The following SSPN variants were observed in gnomAD, a reference collection of about 807,000 sequenced individuals.
SSPN encodes K-ras oncogene-associated protein.
A neutral mutation model predicts 19.1 loss-of-function variants in SSPN; 15 were observed. That is an observed-to-expected ratio of 0.78 (90% CI 0.52 to 1.21). The LOEUF (loss-of-function observed/expected upper bound fraction) is 1.21. Ranked by LOEUF, SSPN falls within the 50% of genes most tolerant of loss-of-function variation. SSPN has a pLI of 0.00. For synonymous variants in SSPN, 147 were observed against 140.3 expected (o/e 1.05, Z -0.34); for missense variants, 291 against 314.0 (o/e 0.93, Z 0.55).
intron 1 of SSPN, among the ~76,000 whole-genome samples, chr12:26,164,204 T>C (rs1213353851): frequency 6.6e-6 from 1 of 152,258 alleles, no homozygotes; most frequent in Non-Finnish European, 1.5e-5. Context: ...TCTCAAAGCA[T>C]GCTTCAGAGA....
At chr12:26,133,412 C>A (rs925767807) in intron 1 of SSPN, among the ~76,000 whole-genome samples, 3 of 152,200 alleles carry the variant, frequency 2.0e-5, no homozygotes, top group Non-Finnish European at 2.9e-5. Flanking sequence ...AGACCAGGCC[C>A]CCATAATCTC....
intron 1 of SSPN, among the ~76,000 whole-genome samples, chr12:26,150,781 C>A (rs1944521082): frequency 6.6e-6 from 1 of 152,064 alleles, no homozygotes; most frequent in Non-Finnish European, 1.5e-5. Flanking sequence ...ATTTTTTTAG[C>A]CCTCTCTTAA....
chr12:26,224,334 C>G lies in SSPN; in HGVS notation c.321C>G (p.Val107=). The G allele has an allele frequency of 6.2e-7, 1 of 1,613,992 alleles. No homozygotes were observed. Among genetic ancestry groups the G allele is most frequent in the Non-Finnish European group, 8.5e-7 (1 of 1,179,936 alleles). The change falls in exon 2 of 3, where the codon GTC becomes GTG. Residue 107 remains valine, a synonymous_variant. Transcript: ENST00000242729. The stretch of plus-strand genomic sequence containing the variant: ...ATCTTGGCTTGTTTATGCTTTGTGT[C>G]TCATATCAGGTTGACGAACGGACAT... The part of the protein sequence containing the change: ...VAYLGLFMLC[V]SYQVDERTCI...
chr12:26,197,025 C>T (rs555013692), intron 1 of SSPN, among the ~76,000 whole-genome samples: 1 of 152,294 alleles, frequency 6.6e-6, no homozygotes, highest in South Asian at 2.1e-4. Flanking sequence ...AACTGTTATT[C>T]CTTTTGGATG....
intron 1 of SSPN, among the ~76,000 whole-genome samples, chr12:26,165,501 A>G (rs1944615387): frequency 1.3e-5 from 2 of 152,242 alleles, no homozygotes; most frequent in Admixed American, 6.5e-5. Context: ...ACAATTTAAT[A>G]CATTGAAGAA....
intron 1 of SSPN, among the ~76,000 whole-genome samples, chr12:26,190,332 T>A (rs6487540): frequency 6.6e-6 from 1 of 152,014 alleles, no homozygotes; most frequent in Non-Finnish European, 1.5e-5. Flanking sequence ...CCAGCCACCA[T>A]GTTGTGAGGA....
intron 1 of SSPN, among the ~76,000 whole-genome samples, chr12:26,176,455 TAAGAC>T (rs139631218): frequency 0.039 from 5,993 of 152,272 alleles, 151 homozygotes; most frequent in South Asian, 0.08. Context: ...CTTCTGGAAT[TAAGAC>T]AAACTCTAAA....
upstream of SSPN, among the ~76,000 whole-genome samples, chr12:26,190,415 G>T (rs564530797): frequency 1.6e-4 from 24 of 152,330 alleles, no homozygotes; most frequent in African/African-American, 5.8e-4. Context: ...AGCCGCCTGG[G>T]AAGCAGATCT....
chr12:26,199,690 T>C lies in SSPN; in HGVS notation c.279+3739T>C, dbSNP rs923505509. 2.6e-5 allele frequency among the ~76,000 whole-genome samples: 4 copies of C among 152,256 alleles called. No homozygotes were observed. In the South Asian group the frequency reaches 8.3e-4, roughly 32 times the overall value. ...GTAAGGATTGAAGTAATCTAAGGAC[T>C]TTGGGGATTTTACTTCTCACTCAAA... On this transcript the variant is annotated intron_variant, in intron 1 of 2. Coordinates refer to ENST00000242729, the MANE Select transcript of SSPN (RefSeq NM_005086.5).
chr12:26,155,073 G>A (rs560746548), intron 1 of SSPN, among the ~76,000 whole-genome samples: 4 of 152,182 alleles, frequency 2.6e-5, no homozygotes, highest in South Asian at 4.2e-4. Flanking sequence ...ATTGAATATC[G>A]ACTTTTTAGG....
chr12:26,176,923 A>C (rs938700939), intron 1 of SSPN, among the ~76,000 whole-genome samples: 8 of 152,216 alleles, frequency 5.3e-5, no homozygotes, highest in Admixed American at 4.6e-4. Flanking sequence ...ATATTTTCAA[A>C]ATATAAATCC....
intron 1 of SSPN, among the ~76,000 whole-genome samples, chr12:26,185,553 C>G (rs1446964408): frequency 6.6e-6 from 1 of 152,122 alleles, no homozygotes; most frequent in Admixed American, 6.6e-5. Context: ...AGAAGTGACA[C>G]TAGGAAGCAT....
In SSPN at chr12:26,195,792, G is replaced by A; in HGVS notation, c.120G>A (p.Gly40=). The change falls in exon 1 of 3, where the codon GGG becomes GGA. Residue 40 remains glycine, a synonymous_variant. Transcript: ENST00000242729. ...GCACGGGGGCCCCCAAGGAGTGCGG[G>A]GAGGAGGAGCCCCGGACCTGCTGCG... ...KKGTGAPKEC[G]EEEPRTCCGC... is the part of the protein sequence containing the mutation. The A allele has an allele frequency of 1.3e-6, 2 of 1,527,720 alleles. No individual in the cohort carries two copies. Among genetic ancestry groups the A allele is most frequent in the Non-Finnish European group, 8.8e-7 (1 of 1,140,486 alleles). 94.6% of individuals were successfully genotyped at this position (1,527,720 alleles called of 1,614,324 possible).
chr12:26,220,626 T>A (rs1012427264), intron 1 of SSPN, among the ~76,000 whole-genome samples: 1 of 152,234 alleles, frequency 6.6e-6, no homozygotes, highest in Non-Finnish European at 1.5e-5. Flanking sequence ...TGGTGATGAC[T>A]AACAAATCCT....
At chr12:26,129,005 G>C (rs1477965145) in intron 1 of SSPN, among the ~76,000 whole-genome samples, 1 of 152,036 alleles carries the variant, frequency 6.6e-6, no homozygotes, top group Non-Finnish European at 1.5e-5. Flanking sequence ...AACAGAACTT[G>C]CCTGAAAGGA....
chr12:26,144,525 A>G (rs1944478618), intron 1 of SSPN, among the ~76,000 whole-genome samples: 1 of 152,222 alleles, frequency 6.6e-6, no homozygotes, highest in African/African-American at 2.4e-5. Context: ...GTAGCATGTA[A>G]CATATACATT....
At chr12:26,140,795 T>C (rs1231509239) in intron 1 of SSPN, among the ~76,000 whole-genome samples, 2 of 152,168 alleles carry the variant, frequency 1.3e-5, no homozygotes, top group Non-Finnish European at 2.9e-5. Flanking sequence ...AGTGAACCAA[T>C]TAAACCCCTT....
At chr12:26,182,654 C>A (rs1317227718) in intron 1 of SSPN, among the ~76,000 whole-genome samples, 4 of 144,084 alleles carry the variant, frequency 2.8e-5, no homozygotes, top group Non-Finnish European at 6.0e-5. Flanking sequence ...CTTCCCTCCC[C>A]TCCAGTGGCT....
At chr12:26,142,953 T>C (rs547002349) in intron 1 of SSPN, among the ~76,000 whole-genome samples, 6 of 152,252 alleles carry the variant, frequency 3.9e-5, no homozygotes, top group Non-Finnish European at 4.4e-5. Flanking sequence ...TTCACTTTAC[T>C]GTACCTGTAT....
Sources: gnomAD v4.1 joint callset for allele counts (sites outside exome capture counted in the v4.1 genomes callset) on GRCh38, gnomAD v4.1.1 for gene constraint, MANE v1.5 for transcripts, NCBI Gene and HGNC (gene_info 2026-07-23, HGNC 2026-07-21) for gene names.